Variants in TENM2 observed in about 807,000 individuals in gnomAD.
TENM2 encodes the protein teneurin-2.
Under a neutral mutation model 245.2 loss-of-function variants are expected in TENM2, and 52 were observed. The observed-to-expected ratio is 0.21, with a 90% CI of 0.17 to 0.27. TENM2 has a LOEUF of 0.27. TENM2 is among the 10% of genes least tolerant of loss of function. The pLI is 1.00. For synonymous variants in TENM2, 1,363 were observed against 1,438.9 expected, an observed-to-expected ratio of 0.95 and a Z score of 1.19; for missense variants, 3,046 against 3,666.8, an observed-to-expected ratio of 0.83 and a Z score of 4.37.
At chr5:168,013,233 A>T (rs915397464) in intron 5 of TENM2, among the ~76,000 whole-genome samples, 9 of 152,186 alleles carry the variant, frequency 5.9e-5, no homozygotes, top group African/African-American at 2.2e-4. Flanking sequence ...TTTGAAGATG[A>T]TAAGGGAAAC....
chr5:167,855,013 G>A (rs915831776), intron 2 of TENM2, among the ~76,000 whole-genome samples: 6 of 152,138 alleles, frequency 3.9e-5, no homozygotes, highest in African/African-American at 1.4e-4. Context: ...ACCATATGTA[G>A]TATCTTGTCA....
chr5:167,187,302 A>G, the TENM2 span, among the ~76,000 whole-genome samples: 1 of 152,208 alleles, frequency 6.6e-6, no homozygotes, highest in Non-Finnish European at 1.5e-5. Flanking sequence ...AAAAGGGAAG[A>G]CAGGGAATGG....
chr5:168,096,969 T>A (rs981460485), intron 8 of TENM2, among the ~76,000 whole-genome samples: 1 of 152,148 alleles, frequency 6.6e-6, no homozygotes, highest in African/African-American at 2.4e-5. Flanking sequence ...AGAGTACACA[T>A]AGAAAGGTAA....
chr5:168,152,734 T>C (rs1756765307), intron 12 of TENM2, among the ~76,000 whole-genome samples: 1 of 152,180 alleles, frequency 6.6e-6, no homozygotes, highest in Admixed American at 6.5e-5. Context: ...TGTGTAACAC[T>C]TGTCACCCTC....
At chr5:167,855,835 G>GAGGA (rs1337271302) in intron 2 of TENM2, among the ~76,000 whole-genome samples, 4 of 6,658 alleles carry the variant, frequency 6.0e-4, no homozygotes, top group African/African-American at 1.2e-3. Flanking sequence ...GGGAGGGAGA[G>GAGGA]AGGGAGGGAG....
At chr5:167,811,049 T>C (rs1471915385) in intron 2 of TENM2, among the ~76,000 whole-genome samples, 1 of 152,116 alleles carries the variant, frequency 6.6e-6, no homozygotes, top group African/African-American at 2.4e-5. Context: ...GAGAACAGAA[T>C]TGAGAAGAAT....
chr5:168,231,830 T>C (rs1166531256), intron 25 of TENM2, among the ~76,000 whole-genome samples: 2 of 150,648 alleles, frequency 1.3e-5, no homozygotes, highest in Non-Finnish European at 2.9e-5. Context: ...GCACAGTAGC[T>C]CATGCCTATA....
At chr5:167,598,170 T>C (rs771198073) in intron 2 of TENM2, among the ~76,000 whole-genome samples, 2 of 152,224 alleles carry the variant, frequency 1.3e-5, no homozygotes, top group African/African-American at 2.4e-5. Flanking sequence ...GGAGAGCAGA[T>C]TGATATTGCA....
intron 4 of TENM2, among the ~76,000 whole-genome samples, chr5:167,973,827 A>G (rs1227457658): frequency 6.6e-6 from 1 of 152,088 alleles, no homozygotes; most frequent in Non-Finnish European, 1.5e-5. Flanking sequence ...GGGTGCAGTC[A>G]AGCACTCTAA....
At chr5:167,847,165 T>TA (rs1414191408) in intron 2 of TENM2, among the ~76,000 whole-genome samples, 1 of 152,192 alleles carries the variant, frequency 6.6e-6, no homozygotes, top group African/African-American at 2.4e-5. Flanking sequence ...GTTGCCCAAG[T>TA]TGATCTTGAA....
the TENM2 span, among the ~76,000 whole-genome samples, chr5:167,051,106 G>A: frequency 1.3e-5 from 2 of 151,672 alleles, no homozygotes; most frequent in South Asian, 4.2e-4. Context: ...ACAAAAATTT[G>A]CAACCGAACC....
At chr5:167,625,376 CTTAA>C (rs971064028) in intron 2 of TENM2, among the ~76,000 whole-genome samples, 3 of 152,120 alleles carry the variant, frequency 2.0e-5, no homozygotes, top group Non-Finnish European at 4.4e-5. Context: ...TCATGTTTAC[CTTAA>C]TTATTTTATT....
chr5:167,353,755 C>A (rs371339891), intron 1 of TENM2, among the ~76,000 whole-genome samples: 1 of 151,856 alleles, frequency 6.6e-6, no homozygotes, highest in Non-Finnish European at 1.5e-5. Context: ...GATCCGCCCG[C>A]CTCGGCCTCC....
At chr5:167,079,184 G>A in the TENM2 span, among the ~76,000 whole-genome samples, 3 of 151,340 alleles carry the variant, frequency 2.0e-5, no homozygotes, top group Non-Finnish European at 4.4e-5. Context: ...CACAAATATG[G>A]AATCCACAAA....
the TENM2 span, among the ~76,000 whole-genome samples, chr5:167,073,346 C>G: frequency 6.6e-6 from 1 of 152,156 alleles, no homozygotes; most frequent in Non-Finnish European, 1.5e-5. Context: ...CATCGAAGAT[C>G]CACCCTTTTG....
At chr5:167,716,059 C>G (rs1026100055) in intron 2 of TENM2, among the ~76,000 whole-genome samples, 1 of 152,164 alleles carries the variant, frequency 6.6e-6, no homozygotes, top group East Asian at 1.9e-4. Flanking sequence ...GACCCACAGG[C>G]GTCTGCCAGT....
chr5:168,225,653 C>T (rs374261557), intron 23 of TENM2, among the ~76,000 whole-genome samples: 23 of 150,474 alleles, frequency 1.5e-4, no homozygotes, highest in African/African-American at 4.9e-4. Flanking sequence ...CCCAGCTGCT[C>T]GGGAGGCTGA....
intron 12 of TENM2, among the ~76,000 whole-genome samples, chr5:168,153,931 G>A (rs1756881373): frequency 1.3e-5 from 2 of 151,976 alleles, no homozygotes; most frequent in South Asian, 4.2e-4. Context: ...TTAGCAACAC[G>A]GTGCTATTCA....
At chr5:168,211,116 G>A (rs149342636) in intron 19 of TENM2, among the ~76,000 whole-genome samples, 11 of 152,320 alleles carry the variant, frequency 7.2e-5, no homozygotes, top group Non-Finnish European at 1.3e-4. Flanking sequence ...GTTAAAAGGA[G>A]ACAATGAAGG....
Sources: allele counts gnomAD v4.1 joint callset (sites outside exome capture counted in the v4.1 genomes callset), GRCh38; gene constraint gnomAD v4.1.1; transcripts MANE v1.5; gene names NCBI Gene and HGNC (gene_info 2026-07-23, HGNC 2026-07-21).